The following COL4A5 variants were observed in gnomAD, a reference collection of about 807,000 sequenced individuals.
COL4A5 encodes collagen alpha-5(IV) chain.
In COL4A5, 26 loss-of-function variants were observed where a neutral mutation model predicts 130.2. The ratio of observed to expected loss-of-function variants is 0.20; its 90% CI spans 0.15 to 0.28. The LOEUF (loss-of-function observed/expected upper bound fraction) is 0.28, where lower values mean the gene tolerates loss of function less well. COL4A5 is among the 10% of genes least tolerant of loss of function. COL4A5 has a pLI of 1.00. For synonymous variants in COL4A5, 496 were observed against 439.6 expected, an observed-to-expected ratio of 1.13 and a Z score of -1.60; for missense variants, 1,131 against 1,344.3, an observed-to-expected ratio of 0.84 and a Z score of 2.48.
intron 47 of COL4A5, among the ~76,000 whole-genome samples, chrX:108,685,532 T>C (rs1193559566): frequency 8.9e-6 from 1 of 112,453 alleles, no homozygotes; most frequent in Admixed American, 9.4e-5. Context: ...AGCAGAAAGA[T>C]TGAAGGCTGA....
At chrX:108,581,152 A>G (rs2066242002) in intron 16 of COL4A5, 125 bp downstream of exon 16, 1 of 600,969 alleles carries the variant, frequency 1.7e-6, no homozygotes, top group Non-Finnish European at 2.8e-6. Flanking sequence ...ATGAATTGAA[A>G]TTATCCAGTC....
At chrX:108,578,012 T>C (rs1569490393) in intron 11 of COL4A5, 25 bp downstream of exon 11, 2 of 1,200,156 alleles carry the variant, frequency 1.7e-6, no homozygotes, top group African/African-American at 3.5e-5. Flanking sequence ...CTTTATATCT[T>C]TTATTTGGTG....
intron 1 of COL4A5, among the ~76,000 whole-genome samples, chrX:108,478,016 A>G (rs1419491041): frequency 9.1e-6 from 1 of 110,280 alleles, no homozygotes; most frequent in Non-Finnish European, 1.9e-5. Context: ...TCCTTCCTGA[A>G]GGGTCTGGGC....
chrX:108,697,455 G>A lies in COL4A5; in HGVS notation c.*1077G>A, dbSNP rs1029446064. 10 of 110,478 alleles carry A rather than the reference G, an allele frequency of 9.1e-5. No homozygotes were observed. The highest frequency in any genetic ancestry group is 1.9e-4 in the Non-Finnish European group (10 of 52,882). 9.1% of individuals were successfully genotyped at this position (110,478 alleles called of 1,213,427 possible). A position where few individuals can be genotyped will look rare whatever the true frequency, so the allele number is the denominator to read the frequency against. On this transcript the variant is annotated 3_prime_UTR_variant, in exon 53 of 53. Coordinates refer to ENST00000328300, the MANE Select transcript of COL4A5 (RefSeq NM_033380.3). ...AAATATTTTGTTATAAATACTCACA[G>A]GATACCTTATTTCCCTAGCTATCAT...
intron 1 of COL4A5, among the ~76,000 whole-genome samples, chrX:108,450,905 T>C (rs1238928561): frequency 9.1e-6 from 1 of 109,775 alleles, no homozygotes; most frequent in Admixed American, 9.7e-5. Context: ...AATGTGCAGG[T>C]TAGTTACATA....
chrX:108,655,530 C>A (rs2067824938), intron 37 of COL4A5, 73 bp downstream of exon 37: 1 of 1,105,041 alleles, frequency 9.0e-7, no homozygotes, highest in African/African-American at 1.8e-5. Flanking sequence ...AGAGCAGCTT[C>A]TTATTTGGCA....
intron 1 of COL4A5, among the ~76,000 whole-genome samples, chrX:108,528,332 A>G (rs773496656): frequency 2.7e-5 from 3 of 112,532 alleles, no homozygotes; most frequent in Non-Finnish European, 5.6e-5. Context: ...AAGTCAAAGT[A>G]CCATACACAG....
Position 108,697,110 on chromosome X carries a change from C to G in COL4A5, c.*732C>G, listed in dbSNP as rs946455544. 1 of 111,229 alleles carries G rather than the reference C, an allele frequency of 9.0e-6. No homozygotes were observed. The highest frequency in any genetic ancestry group is 1.9e-5 in the Non-Finnish European group (1 of 52,987). 9.2% of individuals were successfully genotyped at this position (111,229 alleles called of 1,213,427 possible). A position where few individuals can be genotyped will look rare whatever the true frequency, so the allele number is the denominator to read the frequency against. ...CACTTTAATCAGAATTTTAAATGTTCATGTTACATACCAAATTATAATATC... is the reference window on the plus strand; with the variant it reads ...CACTTTAATCAGAATTTTAAATGTTGATGTTACATACCAAATTATAATATC... On this transcript the variant is annotated 3_prime_UTR_variant, in exon 53 of 53. Transcript: ENST00000328300.
At chrX:108,584,306 G>A (rs1672860006) in intron 17 of COL4A5, among the ~76,000 whole-genome samples, 178 bp from the exon 18 acceptor site, 2 of 110,608 alleles carry the variant, frequency 1.8e-5, no homozygotes, top group Non-Finnish European at 3.8e-5. Context: ...GTAAATCTGA[G>A]ACACCATCAC....
At chrX:108,612,495 A>G (rs187988306) in intron 29 of COL4A5, among the ~76,000 whole-genome samples, 97 of 111,869 alleles carry the variant, frequency 8.7e-4, no homozygotes, top group African/African-American at 3.0e-3. Context: ...ATGTTTTTAT[A>G]TACTATCAAT....
rs747335386 is a variant in COL4A5 at position 108,483,114 on chromosome X, A to G, written c.81+42908A>G. Among the ~76,000 whole-genome samples the G allele has an allele frequency of 4.1e-4, 46 of 111,261 alleles. 2 individuals are homozygous for G. The highest frequency in any genetic ancestry group is 8.6e-4 in the Admixed American group (9 of 10,420). On this transcript the variant is annotated intron_variant, in intron 1 of 52. Coordinates refer to ENST00000328300, the MANE Select transcript of COL4A5 (RefSeq NM_033380.3). ...CTCCAGAAACCTCCAAAAGAACTCC[A>G]TCCTTAATATTCTGTTCCTCTAGAA...
At chrX:108,558,087 A>G (rs1217873249) in intron 2 of COL4A5, among the ~76,000 whole-genome samples, 2 of 33,855 alleles carry the variant, frequency 5.9e-5, no homozygotes, top group African/African-American at 2.6e-4. Context: ...CCCCCACCCC[A>G]CAACAGGCCC....
rs140297057 is a variant in COL4A5 at position 108,651,383 on chromosome X, C to A, written c.3247-3948C>A. The stretch of plus-strand genomic sequence containing the variant: ...TAAAACAATGCACATTATAGAAAAT[C>A]TACAAAGTTTCTGCTAATAACATGT... On this transcript the variant is annotated intron_variant, in intron 36 of 52. Coordinates refer to ENST00000328300, the MANE Select transcript of COL4A5 (RefSeq NM_033380.3). Among the ~76,000 whole-genome samples the A allele has an allele frequency of 8.9e-3, 991 of 111,914 alleles. 7 individuals carry two copies. Among genetic ancestry groups the A allele is most frequent in the Non-Finnish European group, 0.015 (778 of 53,086 alleles).
intron 33 of COL4A5, among the ~76,000 whole-genome samples, chrX:108,623,380 T>C (rs1460823864): frequency 9.0e-6 from 1 of 111,578 alleles, no homozygotes; most frequent in East Asian, 2.8e-4. Context: ...AACAATTGTG[T>C]CCATATAGTT....
In COL4A5 at chrX:108,440,037, C is replaced by T. The variant is rs1239446672; in HGVS notation, c.-89C>T. On this transcript the variant is annotated 5_prime_UTR_variant, in exon 1 of 53. Coordinates refer to ENST00000328300, the MANE Select transcript of COL4A5 (RefSeq NM_033380.3). Reference sequence around the variant, plus strand: ...TGTCCCTCTCCGGCTCTAGCTCTCTCCATATAAACCCTCAAGATTATGTCA... The same window carrying T: ...TGTCCCTCTCCGGCTCTAGCTCTCTTCATATAAACCCTCAAGATTATGTCA... The T allele has an allele frequency of 2.8e-6, 2 of 703,016 alleles. No homozygotes were observed. The highest frequency in any genetic ancestry group is 4.5e-6 in the Non-Finnish European group (2 of 447,845). 57.9% of individuals were successfully genotyped at this position (703,016 alleles called of 1,213,427 possible). A position where few individuals can be genotyped will look rare whatever the true frequency, so the allele number is the denominator to read the frequency against.
In COL4A5 at chrX:108,635,302, G is replaced by A. The variant is rs183715147; in HGVS notation, c.3246+8953G>A. Among the ~76,000 whole-genome samples, 1,008 of 111,137 alleles carry A rather than the reference G, an allele frequency of 9.1e-3. 4 individuals carry two copies. The highest frequency in any genetic ancestry group is 0.012 in the Non-Finnish European group (636 of 52,847). ...ATGCTTCATAAAAAAGAAAAAAAAGGAAAAGGAATGAAACACTTTGTAAAT... is the reference window on the plus strand; with the variant it reads ...ATGCTTCATAAAAAAGAAAAAAAAGAAAAAGGAATGAAACACTTTGTAAAT... On this transcript the variant is annotated intron_variant, in intron 36 of 52. Coordinates refer to ENST00000328300, the MANE Select transcript of COL4A5 (RefSeq NM_033380.3).
chrX:108,689,834 C>T, intron 49 of COL4A5: 1 of 753,178 alleles, frequency 1.3e-6, no homozygotes, highest in Non-Finnish European at 1.6e-6. Flanking sequence ...AACCATTAGT[C>T]TATTAAAGTC....
intron 47 of COL4A5, among the ~76,000 whole-genome samples, chrX:108,683,078 G>A (rs1293250950): frequency 1.8e-5 from 2 of 112,003 alleles, no homozygotes; most frequent in African/African-American, 6.5e-5. Flanking sequence ...TGTATAAGGT[G>A]TAAGGAAGGG....
intron 13 of COL4A5, among the ~76,000 whole-genome samples, chrX:108,579,797 A>G (rs781150777): frequency 4.4e-4 from 49 of 112,046 alleles, no homozygotes; most frequent in Non-Finnish European, 8.1e-4. Context: ...AAATATATGT[A>G]TGCCGTGTGA....
Sources: gnomAD v4.1 joint callset for allele counts (sites outside exome capture counted in the v4.1 genomes callset) on GRCh38, gnomAD v4.1.1 for gene constraint, MANE v1.5 for transcripts, NCBI Gene and HGNC (gene_info 2026-07-23, HGNC 2026-07-21) for gene names.